The following CCDC83 variants were observed in gnomAD, a reference collection of about 807,000 sequenced individuals.
The protein encoded by CCDC83 is coiled-coil domain-containing protein 83.
A neutral mutation model predicts 50.1 loss-of-function variants in CCDC83; 54 were observed. The observed-to-expected ratio is 1.08, with a 90% CI of 0.87 to 1.35. The LOEUF is 1.35. CCDC83 is among the 40% of genes most tolerant of loss of function. The pLI, the probability that CCDC83 is intolerant of heterozygous loss-of-function variation, is 0.00. For synonymous variants in CCDC83, 161 were observed against 153.3 expected, an observed-to-expected ratio of 1.05 and a Z score of -0.37; for missense variants, 518 against 473.9, an observed-to-expected ratio of 1.09 and a Z score of -0.86.
chr11:85,870,811 ACTT>A (rs1408315818), intron 2 of CCDC83, among the ~76,000 whole-genome samples: 3 of 152,078 alleles, frequency 2.0e-5, no homozygotes, highest in African/African-American at 7.2e-5. Context: ...TTATGTGTTT[ACTT>A]CTTATTATCC....
At chr11:85,910,394 A>G (rs1173605706) in intron 7 of CCDC83, among the ~76,000 whole-genome samples, 1 of 152,232 alleles carries the variant, frequency 6.6e-6, no homozygotes, top group Non-Finnish European at 1.5e-5. Context: ...CGAATGGACA[A>G]ACAATATTTC....
intron 3 of CCDC83, among the ~76,000 whole-genome samples, chr11:85,880,836 A>G (rs998226834): frequency 6.6e-5 from 10 of 152,140 alleles, no homozygotes; most frequent in African/African-American, 4.8e-5. Context: ...AGATTCTTTT[A>G]GATTTTGGAA....
intron 2 of CCDC83, among the ~76,000 whole-genome samples, chr11:85,868,894 C>T (rs2093222282): frequency 2.0e-5 from 3 of 152,220 alleles, no homozygotes; most frequent in African/African-American, 4.8e-5. Context: ...GTGCTTCATT[C>T]TCCCTCAACA....
chr11:85,876,735 C>G (rs1361243979), intron 3 of CCDC83, among the ~76,000 whole-genome samples: 1 of 152,148 alleles, frequency 6.6e-6, no homozygotes, highest in Non-Finnish European at 1.5e-5. Context: ...AAACTCTTGA[C>G]CTCAAGTGAT....
intron 7 of CCDC83, among the ~76,000 whole-genome samples, chr11:85,899,929 T>TA (rs2093393214): frequency 6.6e-6 from 1 of 152,108 alleles, no homozygotes; most frequent in Admixed American, 6.5e-5. Context: ...ATAAAAATTA[T>TA]AAAAATACAA....
At chr11:85,881,811 CT>C (rs2093302094) in intron 3 of CCDC83, among the ~76,000 whole-genome samples, 1 of 152,148 alleles carries the variant, frequency 6.6e-6, no homozygotes, top group Non-Finnish European at 1.5e-5. Context: ...GCTTTTAAGA[CT>C]TTTCCCTTGT....
At chr11:85,866,356 G>T (rs914298608) in intron 2 of CCDC83, among the ~76,000 whole-genome samples, 4 of 150,840 alleles carry the variant, frequency 2.7e-5, no homozygotes, top group Admixed American at 2.6e-4. Context: ...CCTTGATGAA[G>T]CATGGGAGAC....
intron 1 of CCDC83, among the ~76,000 whole-genome samples, chr11:85,860,383 T>C (rs569261934): frequency 3.4e-5 from 5 of 147,832 alleles, no homozygotes; most frequent in African/African-American, 1.0e-4. Context: ...CCAACAAATA[T>C]ATGAAAAAAT....
intron 1 of CCDC83, among the ~76,000 whole-genome samples, chr11:85,860,195 G>C (rs1026837563): frequency 6.6e-6 from 1 of 151,662 alleles, no homozygotes; most frequent in African/African-American, 2.4e-5. Context: ...CCAGCTACTC[G>C]GGAGGCTGAG....
At chr11:85,860,684 C>G (rs77465941) in intron 1 of CCDC83, among the ~76,000 whole-genome samples, 2,075 of 152,302 alleles carry the variant, frequency 0.014, 21 homozygotes, top group African/African-American at 0.029. Context: ...GACACATGGA[C>G]TCATGTTCAT....
intron 3 of CCDC83, among the ~76,000 whole-genome samples, chr11:85,873,639 T>A (rs1377884259): frequency 6.6e-6 from 1 of 152,176 alleles, no homozygotes; most frequent in Admixed American, 6.6e-5. Flanking sequence ...ATTTTAAATC[T>A]CTTTGTCTTT....
intron 7 of CCDC83, among the ~76,000 whole-genome samples, chr11:85,909,609 CTTTTTTTTTTTTTTTTT>C (rs71468972): frequency 1.7e-5 from 1 of 57,706 alleles, no homozygotes; most frequent in South Asian, 5.2e-4. Context: ...TCAAAATACA[CTTTTTTTTTTTTTTTTT>C]TTTTTTTTTT....
chr11:85,898,498 T>C (rs1048191447), intron 6 of CCDC83, among the ~76,000 whole-genome samples: 5 of 152,224 alleles, frequency 3.3e-5, no homozygotes, highest in African/African-American at 1.2e-4. Flanking sequence ...TACTTGCTGT[T>C]AGATTTACAA....
intron 5 of CCDC83, among the ~76,000 whole-genome samples, chr11:85,891,851 C>T (rs541820508): frequency 5.3e-5 from 8 of 152,232 alleles, no homozygotes; most frequent in Admixed American, 4.6e-4. Context: ...ACCAAAGTCA[C>T]AATGCTAGTA....
At chr11:85,914,563 C>T (rs140425086) in intron 8 of CCDC83, among the ~76,000 whole-genome samples, 15 of 152,298 alleles carry the variant, frequency 9.8e-5, no homozygotes, top group East Asian at 5.8e-4. Context: ...CATCTCAAAA[C>T]GAAAACCACT....
Position 85,868,996 on chromosome 11 carries a change from T to G in CCDC83, c.95+3778T>G, listed in dbSNP as rs574777703. 1.3e-3 allele frequency among the ~76,000 whole-genome samples: 197 copies of G among 152,346 alleles called. 5 individuals are homozygous for G. The highest frequency in any genetic ancestry group is 4.6e-3 in the African/African-American group (192 of 41,576). On this transcript the variant is annotated intron_variant, in intron 2 of 10. Coordinates refer to ENST00000342404, the MANE Select transcript of CCDC83 (RefSeq NM_001286159.2). ...TAGTATGAGCTCAGAGTTTCTTTGT[T>G]GAGTAAATGTTGTCGGATCTTGTCT...
chr11:85,883,651 C>T (rs1196958535), intron 4 of CCDC83, among the ~76,000 whole-genome samples: 1 of 152,088 alleles, frequency 6.6e-6, no homozygotes, highest in East Asian at 1.9e-4. Flanking sequence ...ACCACTTTTG[C>T]CAAAACCTCC....
intron 1 of CCDC83, among the ~76,000 whole-genome samples, chr11:85,860,336 A>G (rs1454092980): frequency 6.6e-6 from 1 of 151,768 alleles, no homozygotes; most frequent in Admixed American, 6.6e-5. Flanking sequence ...GGCAAAGAAC[A>G]TGAACAGATA....
At chr11:85,904,323 G>A (rs1178057671) in intron 7 of CCDC83, among the ~76,000 whole-genome samples, 1 of 152,174 alleles carries the variant, frequency 6.6e-6, no homozygotes, top group Non-Finnish European at 1.5e-5. Flanking sequence ...CCCAAATTGT[G>A]TGCCATTCAG....
Sources: gnomAD v4.1 joint callset for allele counts (sites outside exome capture counted in the v4.1 genomes callset) on GRCh38, gnomAD v4.1.1 for gene constraint, MANE v1.5 for transcripts, NCBI Gene and HGNC (gene_info 2026-07-23, HGNC 2026-07-21) for gene names.